Variants in DLG2 observed in about 807,000 individuals in gnomAD.
The protein encoded by DLG2 is discs large MAGUK scaffold protein 2.
A neutral mutation model predicts 132.5 loss-of-function variants in DLG2; 45 were observed. The ratio of observed to expected loss-of-function variants is 0.34; its 90% CI spans 0.27 to 0.44. DLG2 has a LOEUF of 0.44. DLG2 is among the 20% of genes least tolerant of loss of function. The pLI, the probability that DLG2 is intolerant of heterozygous loss-of-function variation, is 1.00. For synonymous variants in DLG2, 424 were observed against 419.6 expected (o/e 1.01, Z -0.13); for missense variants, 1,045 against 1,196.9 (o/e 0.87, Z 1.87).
chr11:85,138,999 C>T (rs892648661), intron 5 of DLG2, among the ~76,000 whole-genome samples: 4 of 152,018 alleles, frequency 2.6e-5, no homozygotes, highest in Non-Finnish European at 4.4e-5. Context: ...AACTGTTTTT[C>T]CCTGGATTTG....
intron 6 of DLG2, among the ~76,000 whole-genome samples, chr11:84,801,587 G>C (rs2075384378): frequency 6.6e-6 from 1 of 152,124 alleles, no homozygotes; most frequent in Non-Finnish European, 1.5e-5. Context: ...TTGAGAAAAA[G>C]TTGCTTTTGT....
At chr11:84,419,261 A>T (rs1338055102) in intron 7 of DLG2, among the ~76,000 whole-genome samples, 1 of 152,184 alleles carries the variant, frequency 6.6e-6, no homozygotes, top group Non-Finnish European at 1.5e-5. Context: ...CTTACTTTGA[A>T]ATTAAAATCC....
chr11:85,285,387 A>C, intron 3 of DLG2, 22 bp from the exon 4 acceptor site: 3 of 1,606,714 alleles, frequency 1.9e-6, no homozygotes, highest in Non-Finnish European at 2.6e-6. Context: ...ATGTAAGGAA[A>C]GCATCAAAAT....
chr11:83,780,239 G>C (rs558721142), intron 18 of DLG2, among the ~76,000 whole-genome samples: 1 of 152,264 alleles, frequency 6.6e-6, no homozygotes, highest in South Asian at 2.1e-4. Flanking sequence ...GGTACAGAAG[G>C]TGTCCATATT....
rs117184594 is a variant in DLG2, at chr11:84,239,177, T to A, written c.573+12061A>T. 1.0e-3 allele frequency among the ~76,000 whole-genome samples: 155 copies of A among 152,322 alleles called. 5 individuals carry two copies. In the East Asian group the frequency reaches 0.027, roughly 26 times the overall value. The stretch of plus-strand genomic sequence containing the variant: ...GGCTATTTATGGAATTTATTTATTT[T>A]ATCATTTTTATTATTATTATTATTT... On this transcript the variant is annotated intron_variant, in intron 8 of 27. Transcript: ENST00000376104.
chr11:83,678,794 T>G (rs760011662), intron 18 of DLG2, among the ~76,000 whole-genome samples: 1 of 152,164 alleles, frequency 6.6e-6, no homozygotes. Flanking sequence ...TTAGGGTAAC[T>G]TTCAGAGCTT....
intron 9 of DLG2, among the ~76,000 whole-genome samples, chr11:84,136,960 T>C (rs1215354382): frequency 6.6e-6 from 1 of 152,048 alleles, no homozygotes; most frequent in Non-Finnish European, 1.5e-5. Context: ...TCATGCCAAA[T>C]GCAGAACTGA....
At chr11:83,537,148 G>C (rs1198769782) in intron 20 of DLG2, among the ~76,000 whole-genome samples, 1 of 152,122 alleles carries the variant, frequency 6.6e-6, no homozygotes, top group Admixed American at 6.6e-5. Flanking sequence ...AACATAAATG[G>C]AATGGCAAAA....
In DLG2 at chr11:83,520,668, A is replaced by AGATAGATAGATAGAT. The variant is rs1565616050; in HGVS notation, c.2193+12039_2193+12040insATCTATCTATCTATC. Reference sequence around the variant, plus strand: ...ATAGATAGATAGATAGATAGATAGAAAGAAAGACAGACAGGTAAGTAGGTA... The same window carrying AGATAGATAGATAGAT: ...ATAGATAGATAGATAGATAGATAGAAGATAGATAGATAGATAGAAAGACAGACAGGTAAGTAGGTA... On this transcript the variant is annotated intron_variant, in intron 21 of 27. Transcript: ENST00000376104. 4.6e-3 allele frequency among the ~76,000 whole-genome samples: 354 copies of AGATAGATAGATAGAT among 76,204 alleles called. 5 individuals are homozygous for AGATAGATAGATAGAT. Among genetic ancestry groups the AGATAGATAGATAGAT allele is most frequent in the African/African-American group, 0.013 (318 of 24,204 alleles). 50.0% of individuals were successfully genotyped at this position (76,204 alleles called of 152,430 possible). A position where few individuals can be genotyped will look rare whatever the true frequency, so the allele number is the denominator to read the frequency against.
intron 4 of DLG2, among the ~76,000 whole-genome samples, chr11:85,210,210 C>G (rs1411471120): frequency 6.6e-6 from 1 of 152,064 alleles, no homozygotes; most frequent in Non-Finnish European, 1.5e-5. Flanking sequence ...TTCCAAGTAC[C>G]TAGAGTAGTG....
chr11:83,827,244 T>G (rs2053112909), intron 17 of DLG2, among the ~76,000 whole-genome samples: 1 of 152,126 alleles, frequency 6.6e-6, no homozygotes, highest in East Asian at 1.9e-4. Context: ...TTTAGAAATG[T>G]TATTTGAGGT....
intron 18 of DLG2, chr11:83,724,932 T>C: frequency 1.4e-6 from 1 of 702,402 alleles, no homozygotes; most frequent in Non-Finnish European, 2.6e-6. Context: ...TGTTCCCTCC[T>C]CCTGGTTGAG....
In DLG2 at chr11:84,642,006, TTA is replaced by T. The variant is rs199734251; in HGVS notation, c.358-107277_358-107276del. Among the ~76,000 whole-genome samples, 1,002 of 141,518 alleles carry T rather than the reference TTA, an allele frequency of 7.1e-3. 8 individuals are homozygous for T. Among genetic ancestry groups the T allele is most frequent in the Non-Finnish European group, 8.4e-3 (552 of 65,742 alleles). 92.8% of individuals were successfully genotyped at this position (141,518 alleles called of 152,430 possible). On this transcript the variant is annotated intron_variant, in intron 6 of 27. Coordinates refer to ENST00000376104, the MANE Select transcript of DLG2 (RefSeq NM_001142699.3). The stretch of plus-strand genomic sequence containing the variant: ...GTGTGTATGTGTGTGTGGATATGTT[TTA>T]TATATATATATACACACACACACAC...
chr11:84,326,683 A>G (rs1484981080), intron 7 of DLG2, among the ~76,000 whole-genome samples: 2 of 152,172 alleles, frequency 1.3e-5, no homozygotes, highest in African/African-American at 2.4e-5. Flanking sequence ...CTTCAGAATA[A>G]TGCATATTCT....
intron 6 of DLG2, among the ~76,000 whole-genome samples, chr11:85,007,093 C>T (rs550704330): frequency 7.2e-5 from 11 of 152,016 alleles, no homozygotes; most frequent in South Asian, 4.2e-4. Context: ...TATGAAACTC[C>T]GTGAATTAGA....
intron 4 of DLG2, among the ~76,000 whole-genome samples, chr11:85,278,777 A>T (rs1255942489): frequency 6.6e-6 from 1 of 152,204 alleles, no homozygotes; most frequent in Non-Finnish European, 1.5e-5. Context: ...CTAGTACTCT[A>T]GTAAAAATCA....
chr11:84,167,314 G>A (rs1453348974), intron 8 of DLG2, among the ~76,000 whole-genome samples: 2 of 152,126 alleles, frequency 1.3e-5, no homozygotes, highest in Non-Finnish European at 2.9e-5. Context: ...AGCAAAGAGA[G>A]TGACCCACAG....
At chr11:85,612,186 C>T (rs1349901950) in intron 2 of DLG2, among the ~76,000 whole-genome samples, 1 of 152,232 alleles carries the variant, frequency 6.6e-6, no homozygotes. Context: ...TCCAATACCA[C>T]CTTGTTGTCA....
At chr11:84,729,571 A>T (rs1377837831) in intron 6 of DLG2, among the ~76,000 whole-genome samples, 1 of 152,026 alleles carries the variant, frequency 6.6e-6, no homozygotes, top group African/African-American at 2.4e-5. Flanking sequence ...TGGAGTGGAG[A>T]GTTCTGTTCA....
Sources: gnomAD v4.1 joint callset for allele counts (sites outside exome capture counted in the v4.1 genomes callset) on GRCh38, gnomAD v4.1.1 for gene constraint, MANE v1.5 for transcripts, NCBI Gene and HGNC (gene_info 2026-07-23, HGNC 2026-07-21) for gene names.